ABLIM2: variants seen among roughly 807,000 people sequenced by gnomAD.
ABLIM2 encodes the protein actin-binding LIM protein 2.
A neutral mutation model predicts 97.7 loss-of-function variants in ABLIM2; 53 were observed. The observed-to-expected ratio is 0.54, with a 90% CI of 0.44 to 0.68. ABLIM2 has a LOEUF of 0.68. Ranked by LOEUF, ABLIM2 falls within the 30% of genes least tolerant of loss-of-function variation. The pLI is 0.00. For synonymous variants in ABLIM2, 361 were observed against 345.8 expected (o/e 1.04, Z -0.49); for missense variants, 835 against 867.2 (o/e 0.96, Z 0.47).
At chr4:8,037,302 A>G (rs75827970) in intron 9 of ABLIM2, among the ~76,000 whole-genome samples, 16,220 of 151,784 alleles carry the variant, frequency 0.11, 1,144 homozygotes, top group East Asian at 0.28. Context: ...ATGCACACAC[A>G]CACGCACATG....
At position 8,114,620 on chromosome 4, in the gene ABLIM2, G is replaced by C. The variant is rs568266694; in HGVS notation, c.11-7983C>G. ...CTGATTATAACCATGAACCGAGGAC[G>C]CTGCTCTCTGGAGCCGGCCCCATTC... is the stretch of plus-strand genomic sequence containing the variant. On this transcript the variant is annotated intron_variant, in intron 1 of 20. Coordinates refer to ENST00000447017, the MANE Select transcript of ABLIM2 (RefSeq NM_001130083.2). Among the ~76,000 whole-genome samples, 141 of 152,298 alleles carry C rather than the reference G, an allele frequency of 9.3e-4. 1 individual carries two copies. The highest frequency in any genetic ancestry group is 1.4e-3 in the Non-Finnish European group (93 of 68,020).
Position 8,067,842 on chromosome 4 carries a change from G to A in ABLIM2, c.676-6788C>T, listed in dbSNP as rs1808998059. 1 of 152,196 alleles carries A rather than the reference G, an allele frequency of 6.6e-6. No individual in the cohort carries two copies. The highest frequency in any genetic ancestry group is 6.5e-5 in the Admixed American group (1 of 15,274). The allele number at this position is 152,196 out of a possible 1,614,324, so 9.4% of individuals were successfully genotyped here. A position where few individuals can be genotyped will look rare whatever the true frequency, so the allele number is the denominator to read the frequency against. ...GGTTCAGTGTCCCCGTGTATAAGAT[G>A]GAGAGGACTGTCCCTCCCTCTCAGG... On this transcript the variant is annotated intron_variant, in intron 6 of 20. Coordinates refer to ENST00000447017, the MANE Select transcript of ABLIM2 (RefSeq NM_001130083.2). This position sits in a 1 kb window ranked among gnomAD's most constrained non-coding sequence, Gnocchi z 5.4.
Position 8,043,812 on chromosome 4 carries a change from A to G in ABLIM2, c.900+1352T>C, listed in dbSNP as rs1159714449. Among the ~76,000 whole-genome samples, 1 of 152,228 alleles carries G rather than the reference A, an allele frequency of 6.6e-6. No individual in the cohort carries two copies. The highest frequency in any genetic ancestry group is 1.5e-5 in the Non-Finnish European group (1 of 68,032). Reference sequence around the variant, plus strand: ...CTTCTTCTGGGCAGGCGCTGTGCTCACTGCCACCCAGGCAGCGCCTCAGTG... The same window carrying G: ...CTTCTTCTGGGCAGGCGCTGTGCTCGCTGCCACCCAGGCAGCGCCTCAGTG... On this transcript the variant is annotated intron_variant, in intron 9 of 20. Coordinates refer to ENST00000447017, the MANE Select transcript of ABLIM2 (RefSeq NM_001130083.2). The surrounding 1 kb of genome is among the most constrained non-coding windows in gnomAD (Gnocchi z 4.8).
intron 1 of ABLIM2, among the ~76,000 whole-genome samples, chr4:8,134,394 G>A (rs1312066088): frequency 2.6e-5 from 4 of 152,014 alleles, no homozygotes; most frequent in Admixed American, 6.5e-5. Flanking sequence ...CGCCCAGGCC[G>A]GAAACTGGGC....
Position 7,984,903 on chromosome 4 carries a change from A to G in ABLIM2, c.1681-10T>C. 1 of 1,608,220 alleles carries G rather than the reference A, an allele frequency of 6.2e-7. No homozygotes were observed. Among genetic ancestry groups the G allele is most frequent in the South Asian group, 1.1e-5 (1 of 89,374 alleles). ...GGGCCAGATTGGCATTCTGGAAGAG[A>G]AAGAGAGGTTGGGCGGCAAGAGACA... On this transcript the variant is annotated splice_polypyrimidine_tract_variant and intron_variant, in intron 17 of 20. Transcript: ENST00000447017.
At chr4:8,055,795 T>A (rs1444368558) in intron 7 of ABLIM2, among the ~76,000 whole-genome samples, 1 of 152,194 alleles carries the variant, frequency 6.6e-6, no homozygotes, top group Non-Finnish European at 1.5e-5. Flanking sequence ...TTCTTGTTTA[T>A]AAATTAAAAA....
Position 7,987,303 on chromosome 4 carries a change from A to G in ABLIM2, c.1681-2410T>C, listed in dbSNP as rs916847849. Among the ~76,000 whole-genome samples the G allele has an allele frequency of 3.3e-5, 5 of 151,394 alleles. No individual in the cohort carries two copies. The East Asian group carries it at 9.7e-4, about 29-fold the overall frequency. On this transcript the variant is annotated intron_variant, in intron 17 of 20. Transcript: ENST00000447017. ...ATGCCTGGCTAATTAAAAAAAAAAAAGTAGATATGGGGTCTTGCTGTGTTG... is the reference window on the plus strand; with the variant it reads ...ATGCCTGGCTAATTAAAAAAAAAAAGGTAGATATGGGGTCTTGCTGTGTTG...
rs916227841 is a variant in ABLIM2, at chr4:7,998,272, G to T, written c.1619-5345C>A. Among the ~76,000 whole-genome samples the T allele has an allele frequency of 6.6e-6, 1 of 152,060 alleles. No individual in the cohort carries two copies. The highest frequency in any genetic ancestry group is 6.6e-5 in the Admixed American group (1 of 15,252). ...TTTCTGCAGTATCCTGGGCATTTTG[G>T]ATATTATGTTAGAAGACTGATCTTG... is the stretch of plus-strand genomic sequence containing the variant. On this transcript the variant is annotated intron_variant, in intron 16 of 20. Coordinates refer to ENST00000447017, the MANE Select transcript of ABLIM2 (RefSeq NM_001130083.2). This position sits in a 1 kb window ranked among gnomAD's most constrained non-coding sequence, Gnocchi z 6.4.
chr4:7,966,232 C>T lies in ABLIM2; in HGVS notation c.*758G>A, dbSNP rs1240274876. On this transcript the variant is annotated 3_prime_UTR_variant, in exon 21 of 21. Transcript: ENST00000447017. ...AGCGGTGGAGAATAAGGCTGGAGGC[C>T]GCTCCCCTGCGGAGGGACCGTAAAA... 3 of 152,732 alleles carry T rather than the reference C, an allele frequency of 2.0e-5. No homozygotes were observed. Among genetic ancestry groups the T allele is most frequent in the Admixed American group, 6.5e-5 (1 of 15,304 alleles). 9.5% of individuals were successfully genotyped at this position (152,732 alleles called of 1,614,324 possible). A position where few individuals can be genotyped will look rare whatever the true frequency, so the allele number is the denominator to read the frequency against.
intron 1 of ABLIM2, among the ~76,000 whole-genome samples, chr4:8,153,226 G>A (rs1275755610): frequency 2.0e-5 from 3 of 152,206 alleles, no homozygotes; most frequent in Non-Finnish European, 4.4e-5. Flanking sequence ...TGCGGGCCAG[G>A]CAGCTTTTCC....
Position 8,127,249 on chromosome 4 carries a change from T to C in ABLIM2, c.11-20612A>G, listed in dbSNP as rs1848390688. 6.6e-6 allele frequency among the ~76,000 whole-genome samples: 1 copy of C among 152,162 alleles called. No individual in the cohort carries two copies. The highest frequency in any genetic ancestry group is 1.5e-5 in the Non-Finnish European group (1 of 68,030). On this transcript the variant is annotated intron_variant, in intron 1 of 20. Transcript: ENST00000447017. This position sits in a 1 kb window ranked among gnomAD's most constrained non-coding sequence, Gnocchi z 7.3. ...ACGCAGCTCCGATACCAGCACCGTG[T>C]GAGGTTGGATCAGACTCTTCCCGTC...
At chr4:8,105,213 C>A (rs142999700) in intron 2 of ABLIM2, among the ~76,000 whole-genome samples, 1 of 152,214 alleles carries the variant, frequency 6.6e-6, no homozygotes, top group Non-Finnish European at 1.5e-5. Context: ...CTAGCCAGCA[C>A]GCCACCTCCT....
chr4:8,032,804 A>G lies in ABLIM2; in HGVS notation c.1048-3028T>C. 1.0e-6 allele frequency: 1 copy of G among 990,786 alleles called. No homozygotes were observed. The highest frequency in any genetic ancestry group is 1.6e-6 in the Non-Finnish European group (1 of 634,372). The allele number at this position is 990,786 out of a possible 1,614,324, so 61.4% of individuals were successfully genotyped here. A position where few individuals can be genotyped will look rare whatever the true frequency, so the allele number is the denominator to read the frequency against. ...CACACAGAGCCCTGATCCTCCAGAC[A>G]GGAAAAGAACTCTACCCCGAGAGAC... On this transcript the variant is annotated intron_variant, in intron 10 of 20. Coordinates refer to ENST00000447017, the MANE Select transcript of ABLIM2 (RefSeq NM_001130083.2). This position sits in a 1 kb window ranked among gnomAD's most constrained non-coding sequence, Gnocchi z 4.3.
intron 13 of ABLIM2, 57 bp downstream of exon 13, chr4:8,020,145 G>T (rs1489044379): frequency 1.3e-6 from 2 of 1,524,784 alleles, no homozygotes; most frequent in Non-Finnish European, 1.8e-6. Context: ...GGTGTGGCCA[G>T]TTTCGGTGTG....
rs1404752152 is a variant in ABLIM2 at position 7,992,891 on chromosome 4, T to G, written c.1655A>C (p.His552Pro). ...PYSKSDPLPG[H>P]GKNGLDQRNA... ...CCGCTGGTCCAAGCCATTCTTTCCATGTCCTGGGAGAGGGTCAGATTTGGA... is the reference window on the plus strand; with the variant it reads ...CCGCTGGTCCAAGCCATTCTTTCCAGGTCCTGGGAGAGGGTCAGATTTGGA... The change falls in exon 17 of 21, where the codon CAT becomes CCT. Residue 552 changes from histidine (H) to proline (P), a missense_variant. Physicochemically the swap from His to Pro is moderately conservative, Grantham distance 77 (BLOSUM62 -2). Coordinates refer to ENST00000447017, the MANE Select transcript of ABLIM2 (RefSeq NM_001130083.2). The surrounding 1 kb of genome is among the most constrained non-coding windows in gnomAD (Gnocchi z 5.7). 1.2e-6 allele frequency: 2 copies of G among 1,613,190 alleles called. No homozygotes were observed. Among genetic ancestry groups the G allele is most frequent in the Non-Finnish European group, 1.7e-6 (2 of 1,179,736 alleles).
Position 8,002,027 on chromosome 4 carries a change from A to G in ABLIM2, c.1618+6032T>C, listed in dbSNP as rs978154573. The stretch of plus-strand genomic sequence containing the variant: ...GAGTAGGCTGGGGGCCAGGCAGGAG[A>G]TCACACCTGATTTGAGTCTCAGACC... On this transcript the variant is annotated intron_variant, in intron 16 of 20. Transcript: ENST00000447017. The surrounding 1 kb of genome is among the most constrained non-coding windows in gnomAD (Gnocchi z 6.1). Among the ~76,000 whole-genome samples the G allele has an allele frequency of 6.6e-6, 1 of 152,086 alleles. No individual in the cohort carries two copies. Among genetic ancestry groups the G allele is most frequent in the Non-Finnish European group, 1.5e-5 (1 of 67,996 alleles).
intron 20 of ABLIM2, among the ~76,000 whole-genome samples, chr4:7,974,398 T>TCCAC (rs1731060951): frequency 7.1e-6 from 1 of 140,732 alleles, no homozygotes; most frequent in Non-Finnish European, 1.6e-5. Flanking sequence ...CACCCATCCA[T>TCCAC]CCACCCATCC....
rs1290422943 is a variant in ABLIM2, at chr4:8,158,727, C to T, written c.-38G>A. On this transcript the variant is annotated 5_prime_UTR_variant, in exon 1 of 21. Coordinates refer to ENST00000447017, the MANE Select transcript of ABLIM2 (RefSeq NM_001130083.2). ...TCGGAGTCGGGGCGGCCCGGCGCTGCGACAGCCAGACCCTCGGGCCCGCAG... is the reference window on the plus strand; with the variant it reads ...TCGGAGTCGGGGCGGCCCGGCGCTGTGACAGCCAGACCCTCGGGCCCGCAG... 1.3e-5 allele frequency: 19 copies of T among 1,426,648 alleles called. No individual in the cohort carries two copies. The highest frequency in any genetic ancestry group is 1.7e-5 in the Non-Finnish European group (18 of 1,089,424). The allele number at this position is 1,426,648 out of a possible 1,614,324, so 88.4% of individuals were successfully genotyped here.
intron 14 of ABLIM2, among the ~76,000 whole-genome samples, chr4:8,014,193 G>A (rs1038177858): frequency 3.3e-5 from 5 of 152,378 alleles, no homozygotes; most frequent in South Asian, 4.1e-4. Context: ...CCGGCACCCC[G>A]GCAGGTGCTC....
Sources: allele counts gnomAD v4.1 joint callset (sites outside exome capture counted in the v4.1 genomes callset), GRCh38; gene constraint gnomAD v4.1.1; non-coding constraint Gnocchi (gnomAD v3.1); transcripts MANE v1.5; gene names NCBI Gene and HGNC (gene_info 2026-07-23, HGNC 2026-07-21).